The following ADAMTSL1 variants were observed in gnomAD, a reference collection of about 807,000 sequenced individuals.
ADAMTSL1 encodes the protein ADAMTS like 1.
ADAMTSL1 carries 126 observed loss-of-function variants against 201.8 expected under a neutral mutation model. The ratio of observed to expected loss-of-function variants is 0.62; its 90% confidence interval spans 0.54 to 0.72. ADAMTSL1 has a LOEUF of 0.72. ADAMTSL1 is among the 30% of genes least tolerant of loss of function. The probability of loss-of-function intolerance (pLI) is 0.00; values close to 1 mark genes in which losing one functional copy is unlikely to be tolerated. For synonymous variants in ADAMTSL1, 1,121 were observed against 903.4 expected, an observed-to-expected ratio of 1.24 and a Z score of -4.32; for missense variants, 2,679 against 2,277.8, an observed-to-expected ratio of 1.18 and a Z score of -3.59.
At chr9:18,128,475 A>G (rs975552843) in intron 1 of ADAMTSL1, among the ~76,000 whole-genome samples, 1 of 151,938 alleles carries the variant, frequency 6.6e-6, no homozygotes, top group African/African-American at 2.4e-5. Context: ...TGATTCTCCC[A>G]CCTCAGTCTA....
At chr9:17,970,571 A>G (rs990330776) in intron 1 of ADAMTSL1, among the ~76,000 whole-genome samples, 1 of 152,040 alleles carries the variant, frequency 6.6e-6, no homozygotes, top group African/African-American at 2.4e-5. Context: ...AGGCTGCCAC[A>G]GTGGCTTCCC....
chr9:18,298,903 A>T (rs975723221), intron 2 of ADAMTSL1, among the ~76,000 whole-genome samples: 2 of 151,692 alleles, frequency 1.3e-5, no homozygotes, highest in African/African-American at 4.8e-5. Context: ...CCCAGCTACT[A>T]GGAGAGGCTG....
At chr9:18,161,496 G>C (rs184553829) in intron 1 of ADAMTSL1, among the ~76,000 whole-genome samples, 2 of 152,074 alleles carry the variant, frequency 1.3e-5, no homozygotes, top group African/African-American at 2.4e-5. Flanking sequence ...GATTCAACAG[G>C]GATCAACATA....
At chr9:18,372,532 G>A (rs1837091854) in intron 2 of ADAMTSL1, among the ~76,000 whole-genome samples, 1 of 152,024 alleles carries the variant, frequency 6.6e-6, no homozygotes, top group Non-Finnish European at 1.5e-5. Flanking sequence ...CTTAATAATG[G>A]GCTTGAACTG....
chr9:18,721,475 C>G, intron 14 of ADAMTSL1, 61 bp from the exon 15 acceptor site: 1 of 1,590,798 alleles, frequency 6.3e-7, no homozygotes, highest in South Asian at 1.1e-5. Flanking sequence ...GTCTACACTT[C>G]ATCACCCCCC....
At chr9:17,934,929 A>G (rs1461836051) in intron 1 of ADAMTSL1, among the ~76,000 whole-genome samples, 1 of 146,516 alleles carries the variant, frequency 6.8e-6, no homozygotes, top group Non-Finnish European at 1.5e-5. Context: ...AAACTTCTGT[A>G]TTGGACCTTC....
chr9:18,048,938 C>G (rs2131659883), intron 1 of ADAMTSL1, among the ~76,000 whole-genome samples: 1 of 152,238 alleles, frequency 6.6e-6, no homozygotes. Flanking sequence ...AAGGTATCAG[C>G]AGGATTGTTT....
At chr9:18,365,720 C>T (rs961941990) in intron 2 of ADAMTSL1, among the ~76,000 whole-genome samples, 28 of 152,060 alleles carry the variant, frequency 1.8e-4, no homozygotes, top group Non-Finnish European at 1.8e-4. Context: ...GCACGATTTA[C>T]GGCAGGGGTG....
At chr9:18,728,105 TAA>T (rs2133464029) in intron 15 of ADAMTSL1, among the ~76,000 whole-genome samples, 1 of 150,438 alleles carries the variant, frequency 6.6e-6, no homozygotes, top group East Asian at 2.0e-4. Context: ...AATAAATAAA[TAA>T]ATAAATAAAT....
At chr9:18,506,642 G>C (rs972248135) in intron 2 of ADAMTSL1, among the ~76,000 whole-genome samples, 31 of 152,214 alleles carry the variant, frequency 2.0e-4, no homozygotes, top group South Asian at 1.2e-3. Context: ...CTAGGTGTTA[G>C]GGCTCTATTA....
chr9:18,849,979 C>T (rs1020944258), intron 23 of ADAMTSL1, among the ~76,000 whole-genome samples: 2 of 152,176 alleles, frequency 1.3e-5, no homozygotes, highest in Non-Finnish European at 2.9e-5. Flanking sequence ...GAAAGGAATA[C>T]AGCAGTTCTT....
At position 18,361,932 on chromosome 9, in the gene ADAMTSL1, A is replaced by T. The variant is rs73430965; in HGVS notation, c.208-142897A>T. ...GCTTAGTAGAGGCCCTCTGTTTGGGACAGAAGGGGAGCATAAAATACTTCT... is the reference window on the plus strand; with the variant it reads ...GCTTAGTAGAGGCCCTCTGTTTGGGTCAGAAGGGGAGCATAAAATACTTCT... On this transcript the variant is annotated intron_variant, in intron 2 of 29. Coordinates refer to the ADAMTSL1 transcript ENST00000680146. Among the ~76,000 whole-genome samples, 1,184 of 152,220 alleles carry T rather than the reference A, an allele frequency of 7.8e-3. 17 individuals are homozygous for T. The highest frequency in any genetic ancestry group is 0.027 in the African/African-American group (1,106 of 41,528).
chr9:18,334,329 C>G (rs1187232448), intron 2 of ADAMTSL1, among the ~76,000 whole-genome samples: 1 of 152,148 alleles, frequency 6.6e-6, no homozygotes, highest in Non-Finnish European at 1.5e-5. Context: ...AGATGGCTTT[C>G]AAGCTGTCAG....
chr9:18,505,096 T>TAATTA (rs1243314418), intron 2 of ADAMTSL1, 140 bp downstream of exon 2: 3 of 1,151,812 alleles, frequency 2.6e-6, no homozygotes, highest in Non-Finnish European at 3.5e-6. Context: ...AACGTACAAA[T>TAATTA]AATTAAATTT....
At chr9:18,588,842 C>T (rs1433332684) in intron 4 of ADAMTSL1, among the ~76,000 whole-genome samples, 2 of 142,034 alleles carry the variant, frequency 1.4e-5, no homozygotes, top group African/African-American at 2.6e-5. Flanking sequence ...CAGTACCATG[C>T]TGTTGGGGTT....
At chr9:18,187,214 T>TG (rs1272556199) in intron 2 of ADAMTSL1, among the ~76,000 whole-genome samples, 2 of 152,148 alleles carry the variant, frequency 1.3e-5, no homozygotes, top group Non-Finnish European at 2.9e-5. Flanking sequence ...CCCTTGTCAT[T>TG]ATCTTCTTTC....
At chr9:18,086,727 A>T (rs924261493) in intron 1 of ADAMTSL1, among the ~76,000 whole-genome samples, 4 of 152,218 alleles carry the variant, frequency 2.6e-5, no homozygotes, top group Admixed American at 2.6e-4. Flanking sequence ...TTTGTACAAC[A>T]AGGATGGTTA....
At chr9:18,598,903 A>C (rs1374809774) in intron 4 of ADAMTSL1, among the ~76,000 whole-genome samples, 2 of 152,196 alleles carry the variant, frequency 1.3e-5, no homozygotes, top group African/African-American at 2.4e-5. Flanking sequence ...GCTTGAGAAG[A>C]AGCAGCCAAA....
chr9:18,707,324 A>G (rs1294153092), intron 14 of ADAMTSL1, among the ~76,000 whole-genome samples: 2 of 152,248 alleles, frequency 1.3e-5, no homozygotes, highest in East Asian at 3.8e-4. Context: ...ATCATCGTGT[A>G]TCTGGCTGAG....
Sources: allele counts gnomAD v4.1 joint callset (sites outside exome capture counted in the v4.1 genomes callset), GRCh38; gene constraint gnomAD v4.1.1; transcripts MANE v1.5; gene names NCBI Gene and HGNC (gene_info 2026-07-23, HGNC 2026-07-21).